Variants in NIPAL2 observed in about 807,000 individuals in gnomAD.
NIPAL2 encodes the protein NIPA-like protein 2.
In NIPAL2, 43 loss-of-function variants were observed where a neutral mutation model predicts 48.9. That is an observed-to-expected ratio of 0.88 (90% CI 0.69 to 1.13). The LOEUF is 1.13. Ranked by LOEUF, NIPAL2 falls within the 50% of genes most tolerant of loss-of-function variation. The probability of loss-of-function intolerance (pLI) is 0.00; values close to 1 mark genes in which losing one functional copy is unlikely to be tolerated. For synonymous variants in NIPAL2, 167 were observed against 174.6 expected (o/e 0.96, Z 0.34); for missense variants, 446 against 461.4 (o/e 0.97, Z 0.31).
At chr8:98,254,920 G>A (rs925010461) in intron 1 of NIPAL2, among the ~76,000 whole-genome samples, 3 of 152,168 alleles carry the variant, frequency 2.0e-5, no homozygotes, top group African/African-American at 4.8e-5. Context: ...ACATCTCCTT[G>A]AGACCTCCTC....
At chr8:98,199,216 A>G (rs1241112007) in intron 8 of NIPAL2, among the ~76,000 whole-genome samples, 1 of 152,114 alleles carries the variant, frequency 6.6e-6, no homozygotes, top group Non-Finnish European at 1.5e-5. Context: ...TCAGCCTCCC[A>G]AAGTGCTGGG....
chr8:98,257,410 T>C (rs928073889), intron 1 of NIPAL2, among the ~76,000 whole-genome samples: 2 of 151,478 alleles, frequency 1.3e-5, no homozygotes, highest in African/African-American at 4.9e-5. Context: ...TACAGTGGCA[T>C]GATCTCAGCG....
At chr8:98,291,399 A>G (rs1405535687) in intron 1 of NIPAL2, among the ~76,000 whole-genome samples, 2 of 152,148 alleles carry the variant, frequency 1.3e-5, no homozygotes, top group Non-Finnish European at 2.9e-5. Flanking sequence ...GTCCATCATT[A>G]ACCATCCAGC....
chr8:98,245,918 G>A (rs1316208286), intron 3 of NIPAL2, among the ~76,000 whole-genome samples: 1 of 152,190 alleles, frequency 6.6e-6, no homozygotes, highest in Non-Finnish European at 1.5e-5. Context: ...ACTAAGAAAA[G>A]TGATATTTTC....
chr8:98,274,382 C>T (rs1226159840), intron 1 of NIPAL2, among the ~76,000 whole-genome samples: 2 of 151,856 alleles, frequency 1.3e-5, no homozygotes, highest in Non-Finnish European at 1.5e-5. Context: ...CTATCAGTTG[C>T]CAAGTGAGAT....
chr8:98,280,761 T>TATATATATATAGAG lies in NIPAL2; in HGVS notation c.135+13241_135+13242insCTCTATATATATAT. On this transcript the variant is annotated intron_variant, in intron 1 of 10. Transcript: ENST00000430223. ...CTATATATATATATATATATATATA[T>TATATATATATAGAG]AGAGAGAGAGAGAGAGAGAGAGAGA... Among the ~76,000 whole-genome samples the TATATATATATAGAG allele has an allele frequency of 6.9e-3, 206 of 30,004 alleles. 7 individuals are homozygous for TATATATATATAGAG. The highest frequency in any genetic ancestry group is 8.3e-3 in the Non-Finnish European group (122 of 14,696). The allele number at this position is 30,004 out of a possible 152,430, so 19.7% of individuals were successfully genotyped here.
intron 1 of NIPAL2, among the ~76,000 whole-genome samples, chr8:98,255,435 A>G (rs1813832487): frequency 1.3e-5 from 2 of 152,228 alleles, no homozygotes; most frequent in Non-Finnish European, 2.9e-5. Context: ...CCTTTTCAGA[A>G]TGCAAAATGT....
intron 1 of NIPAL2, among the ~76,000 whole-genome samples, chr8:98,257,980 T>C (rs1814010313): frequency 6.6e-6 from 1 of 152,230 alleles, no homozygotes; most frequent in Non-Finnish European, 1.5e-5. Context: ...GCCTGACCAC[T>C]TGGGCACATG....
chr8:98,288,405 G>A (rs1816307904), intron 1 of NIPAL2, among the ~76,000 whole-genome samples: 1 of 151,444 alleles, frequency 6.6e-6, no homozygotes, highest in Non-Finnish European at 1.5e-5. Flanking sequence ...ATTCCATGGT[G>A]TATATATGCC....
Position 98,199,714 on chromosome 8 carries a change from A to G in NIPAL2, c.880+3394T>C, listed in dbSNP as rs542906058. On this transcript the variant is annotated intron_variant, in intron 8 of 10. Transcript: ENST00000430223. ...CAAGAATTACTAAAACGTGACACAG[A>G]GATATGAAGTGAGGACATGCTGTTG... Among the ~76,000 whole-genome samples, 13 of 152,308 alleles carry G rather than the reference A, an allele frequency of 8.5e-5. No individual in the cohort carries two copies. The South Asian group carries it at 2.5e-3, about 29-fold the overall frequency.
intron 10 of NIPAL2, among the ~76,000 whole-genome samples, chr8:98,194,384 T>C (rs747516919): frequency 2.6e-4 from 40 of 152,038 alleles, no homozygotes; most frequent in Non-Finnish European, 4.1e-4. Flanking sequence ...TCCTTGGATG[T>C]TCCTTCAAGG....
chr8:98,287,609 G>A (rs1468905474), intron 1 of NIPAL2, among the ~76,000 whole-genome samples: 2 of 152,192 alleles, frequency 1.3e-5, no homozygotes, highest in Non-Finnish European at 2.9e-5. Flanking sequence ...TGATTGCAAT[G>A]TAATAATAGC....
chr8:98,223,606 AG>A (rs1446031847), intron 4 of NIPAL2, among the ~76,000 whole-genome samples: 2 of 152,218 alleles, frequency 1.3e-5, no homozygotes, highest in Non-Finnish European at 2.9e-5. Context: ...CACAATTTGA[AG>A]GCACCAATTT....
intron 1 of NIPAL2, among the ~76,000 whole-genome samples, chr8:98,268,647 G>T (rs1480745169): frequency 6.7e-6 from 1 of 149,094 alleles, no homozygotes; most frequent in Non-Finnish European, 1.5e-5. Flanking sequence ...CAAGAAGAAA[G>T]AAAAAAACCC....
chr8:98,192,926 T>A lies in NIPAL2; in HGVS notation c.*52A>T, dbSNP rs2130674246. ...CTGACACAAATTGAACATGTGCAAT[T>A]TTTTAAAAAGGTGGTATCGAATAAC... On this transcript the variant is annotated 3_prime_UTR_variant, in exon 11 of 11. Coordinates refer to ENST00000430223, the MANE Select transcript of NIPAL2 (RefSeq NM_001321635.2). 8.6e-6 allele frequency: 10 copies of A among 1,158,534 alleles called. No individual in the cohort carries two copies. The highest frequency in any genetic ancestry group is 1.5e-5 in the African/African-American group (1 of 65,902). The allele number at this position is 1,158,534 out of a possible 1,614,324, so 71.8% of individuals were successfully genotyped here. A position where few individuals can be genotyped will look rare whatever the true frequency, so the allele number is the denominator to read the frequency against.
chr8:98,269,376 T>C (rs373363272), intron 1 of NIPAL2, among the ~76,000 whole-genome samples: 5 of 152,352 alleles, frequency 3.3e-5, no homozygotes, highest in African/African-American at 1.2e-4. Flanking sequence ...AAACTACTCA[T>C]TGATCCATAG....
chr8:98,279,267 T>C (rs746120183), intron 1 of NIPAL2, among the ~76,000 whole-genome samples: 7 of 152,166 alleles, frequency 4.6e-5, no homozygotes, highest in Non-Finnish European at 8.8e-5. Context: ...TAACTTGAGG[T>C]AACCATTACT....
chr8:98,281,011 G>A (rs1815801227), intron 1 of NIPAL2, among the ~76,000 whole-genome samples: 1 of 151,812 alleles, frequency 6.6e-6, no homozygotes, highest in Non-Finnish European at 1.5e-5. Flanking sequence ...AACAAGAGAA[G>A]AAATGAAAAG....
Position 98,252,506 on chromosome 8 carries a change from A to G in NIPAL2, c.333T>C (p.Ala111=), listed in dbSNP as rs1301917074. 6.2e-7 allele frequency: 1 copy of G among 1,613,930 alleles called. No homozygotes were observed. The highest frequency in any genetic ancestry group is 2.2e-5 in the East Asian group (1 of 44,894). The part of the protein sequence containing the change: ...ETGNFAAYGF[A]PITLIAPLGC... ...CTAACGGAGCGATCAGAGTAATGGG[A>G]GCAAATCCATAGGCTGCAAAGTTCC... The change falls in exon 3 of 11, where the codon GCT becomes GCC. Residue 111 remains alanine (A), a synonymous_variant. Coordinates refer to ENST00000430223, the MANE Select transcript of NIPAL2 (RefSeq NM_001321635.2).
Sources: gnomAD v4.1 joint callset for allele counts (sites outside exome capture counted in the v4.1 genomes callset) on GRCh38, gnomAD v4.1.1 for gene constraint, MANE v1.5 for transcripts, NCBI Gene and HGNC (gene_info 2026-07-23, HGNC 2026-07-21) for gene names.